The following LRRC7 variants were observed in gnomAD, a reference collection of about 807,000 sequenced individuals.
LRRC7 encodes leucine-rich repeat-containing protein 7.
LRRC7 carries 23 observed loss-of-function variants against 175.7 expected under a neutral mutation model. The ratio of observed to expected loss-of-function variants is 0.13; its 90% CI spans 0.09 to 0.19. LRRC7 has a LOEUF of 0.19. Ranked by LOEUF, LRRC7 falls within the 10% of genes least tolerant of loss-of-function variation. The pLI is 1.00. For missense variants in LRRC7, 1,354 were observed against 1,904.7 expected, an observed-to-expected ratio of 0.71 and a Z score of 5.38; for synonymous variants, 685 against 680.9, an observed-to-expected ratio of 1.01 and a Z score of -0.09.
At chr1:69,866,089 G>C (rs759802728) in intron 7 of LRRC7, among the ~76,000 whole-genome samples, 8 of 152,290 alleles carry the variant, frequency 5.3e-5, no homozygotes, top group Admixed American at 2.0e-4. Flanking sequence ...CAATGCTCTT[G>C]CTTTAGTATA....
intron 4 of LRRC7, among the ~76,000 whole-genome samples, chr1:69,799,252 T>C (rs2101088630): frequency 6.6e-6 from 1 of 152,196 alleles, no homozygotes; most frequent in South Asian, 2.1e-4. Flanking sequence ...ACTGTTTTGT[T>C]AGGTGCATAC....
At chr1:69,931,397 T>G in intron 7 of LRRC7, 110 bp from the exon 8 acceptor site, 1 of 775,910 alleles carries the variant, frequency 1.3e-6, no homozygotes, top group Non-Finnish European at 2.2e-6. Context: ...GTACCCCCAG[T>G]TTTGTGTACT....
intron 3 of LRRC7, among the ~76,000 whole-genome samples, chr1:69,781,757 GAGAGAGAGAAAGAAAGAA>G (rs1557719779): frequency 2.0e-5 from 1 of 50,180 alleles, no homozygotes; most frequent in Non-Finnish European, 3.4e-5. Context: ...GAGAGAGAGA[GAGAGAGAGAAAGAAAGAA>G]AGAAAGAAAG....
rs1339584179 is a variant in LRRC7, at chr1:69,931,643, C to T, written c.711+73C>T. On this transcript the variant is annotated intron_variant, in intron 8 of 26. Coordinates refer to ENST00000651989, the MANE Select transcript of LRRC7 (RefSeq NM_001370785.2). The stretch of plus-strand genomic sequence containing the variant: ...CTTTCTTTTGCTCTGTCTTTGTAAA[C>T]CAAGGTATTAACTTGATTGCACGTT... 14 of 1,245,896 alleles carry T rather than the reference C, an allele frequency of 1.1e-5. No homozygotes were observed. In the East Asian group the frequency reaches 3.1e-4, roughly 28 times the overall value. The allele number at this position is 1,245,896 out of a possible 1,614,324, so 77.2% of individuals were successfully genotyped here. A position where few individuals can be genotyped will look rare whatever the true frequency, so the allele number is the denominator to read the frequency against.
intron 13 of LRRC7, among the ~76,000 whole-genome samples, chr1:70,016,220 G>A (rs752472151): frequency 6.6e-6 from 1 of 152,116 alleles, no homozygotes; most frequent in Non-Finnish European, 1.5e-5. Context: ...ATTTTTAGGG[G>A]CCAGACCTTT....
intron 5 of LRRC7, among the ~76,000 whole-genome samples, chr1:69,830,571 G>A (rs1013334195): frequency 6.6e-6 from 1 of 151,464 alleles, no homozygotes; most frequent in African/African-American, 2.4e-5. Context: ...ATTTTTCCCA[G>A]GAATAGAAAA....
intron 15 of LRRC7, among the ~76,000 whole-genome samples, chr1:70,019,247 C>T (rs541083794): frequency 6.6e-6 from 1 of 152,062 alleles, no homozygotes; most frequent in African/African-American, 2.4e-5. Flanking sequence ...GATCTCTGGA[C>T]TCAAATTATT....
At chr1:69,934,786 G>T (rs1647815464) in intron 8 of LRRC7, among the ~76,000 whole-genome samples, 1 of 151,988 alleles carries the variant, frequency 6.6e-6, no homozygotes, top group Non-Finnish European at 1.5e-5. Flanking sequence ...TTAACCCTTA[G>T]GATCATCCTC....
chr1:69,629,373 A>G (rs1393739287), intron 1 of LRRC7, among the ~76,000 whole-genome samples: 1 of 152,188 alleles, frequency 6.6e-6, no homozygotes, highest in Non-Finnish European at 1.5e-5. Context: ...GAATACATAA[A>G]TGAAGAAGTA....
At chr1:70,085,447 G>A (rs1440152962) in intron 24 of LRRC7, among the ~76,000 whole-genome samples, 2 of 152,060 alleles carry the variant, frequency 1.3e-5, no homozygotes, top group African/African-American at 4.8e-5. Context: ...ATAAATGTTA[G>A]GATTTATTTT....
At chr1:69,751,271 C>T (rs1669819437) in intron 2 of LRRC7, among the ~76,000 whole-genome samples, 1 of 152,088 alleles carries the variant, frequency 6.6e-6, no homozygotes, top group African/African-American at 2.4e-5. Context: ...CTTTTTAACT[C>T]ATTTGTATTA....
intron 1 of LRRC7, among the ~76,000 whole-genome samples, chr1:69,663,671 T>C (rs1455568886): frequency 2.0e-5 from 3 of 149,382 alleles, no homozygotes; most frequent in Non-Finnish European, 3.0e-5. Context: ...ATCGTCCTAC[T>C]CTCTGTCTCC....
intron 2 of LRRC7, among the ~76,000 whole-genome samples, chr1:69,702,135 T>C (rs2100699405): frequency 6.6e-6 from 1 of 152,350 alleles, no homozygotes; most frequent in African/African-American, 2.4e-5. Flanking sequence ...AAAATATATG[T>C]GACATTTGTG....
In LRRC7 at chr1:70,038,899, A is replaced by G. The variant is rs758380847; in HGVS notation, c.3075A>G (p.Pro1025=). 7.4e-6 allele frequency: 12 copies of G among 1,613,974 alleles called. No individual in the cohort carries two copies. The highest frequency in any genetic ancestry group is 9.3e-6 in the Non-Finnish European group (11 of 1,180,014). Residue 1025 remains proline, a synonymous_variant, in exon 21 of 27, where the codon CCA becomes CCG. Coordinates refer to ENST00000651989, the MANE Select transcript of LRRC7 (RefSeq NM_001370785.2). ...AACGACCGGATAAGATGCTGGGACC[A>G]GAGCATGGTATGTCCAGTATGTCTC... The part of the protein sequence containing the change: ...SHERPDKMLG[P]EHGMSSMSRS...
chr1:69,964,965 T>C (rs1651514191), intron 8 of LRRC7, among the ~76,000 whole-genome samples: 1 of 152,182 alleles, frequency 6.6e-6, no homozygotes, highest in South Asian at 2.1e-4. Flanking sequence ...TTATAGCTCA[T>C]ATGTGGAGTA....
At chr1:69,585,703 G>A (rs903033954) in intron 1 of LRRC7, among the ~76,000 whole-genome samples, 1 of 152,166 alleles carries the variant, frequency 6.6e-6, no homozygotes, top group Non-Finnish European at 1.5e-5. Context: ...AATAAGTTGT[G>A]AGCTATCACA....
intron 7 of LRRC7, among the ~76,000 whole-genome samples, chr1:69,911,382 T>G (rs911836813): frequency 5.3e-5 from 8 of 152,230 alleles, no homozygotes; most frequent in African/African-American, 1.7e-4. Flanking sequence ...GCCAAACTGC[T>G]TTCCACAATG....
chr1:69,778,975 TAC>T (rs567279255), intron 3 of LRRC7, among the ~76,000 whole-genome samples: 19 of 116,482 alleles, frequency 1.6e-4, no homozygotes, highest in East Asian at 1.0e-3. Flanking sequence ...TATATATATA[TAC>T]ACACACACTC....
chr1:70,072,122 A>T (rs1662435904), intron 23 of LRRC7, among the ~76,000 whole-genome samples: 1 of 152,020 alleles, frequency 6.6e-6, no homozygotes, highest in Non-Finnish European at 1.5e-5. Context: ...AAAACAACAT[A>T]CTCCATCACT....
Sources: gnomAD v4.1 joint callset for allele counts (sites outside exome capture counted in the v4.1 genomes callset) on GRCh38, gnomAD v4.1.1 for gene constraint, MANE v1.5 for transcripts, NCBI Gene and HGNC (gene_info 2026-07-23, HGNC 2026-07-21) for gene names.